The following POT1 variants were observed in gnomAD, a reference collection of about 807,000 sequenced individuals.
POT1 encodes the protein protection of telomeres protein 1.
In POT1, 47 loss-of-function variants were observed where a neutral mutation model predicts 78.5. The observed-to-expected ratio is 0.60, with a 90% CI of 0.47 to 0.76. The LOEUF is 0.76. Ranked by LOEUF, POT1 falls within the 30% of genes least tolerant of loss-of-function variation. The pLI, the probability that POT1 is intolerant of heterozygous loss-of-function variation, is 0.00. For synonymous variants in POT1, 259 were observed against 260.7 expected (o/e 0.99, Z 0.06); for missense variants, 646 against 749.9 (o/e 0.86, Z 1.62).
intron 6 of POT1, among the ~76,000 whole-genome samples, chr7:124,891,365 T>G (rs1305555445): frequency 6.6e-6 from 1 of 151,740 alleles, no homozygotes; most frequent in African/African-American, 2.4e-5. Flanking sequence ...AAGAAGTATC[T>G]TTCTCCATTC....
At chr7:124,912,362 A>C (rs1796907644) in intron 3 of POT1, among the ~76,000 whole-genome samples, 1 of 152,058 alleles carries the variant, frequency 6.6e-6, no homozygotes, top group African/African-American at 2.4e-5. Context: ...CACACTGCAG[A>C]ACCTTTGTAC....
chr7:124,925,718 T>A (rs912029428), intron 2 of POT1, among the ~76,000 whole-genome samples: 21 of 152,136 alleles, frequency 1.4e-4, no homozygotes, highest in Admixed American at 4.6e-4. Flanking sequence ...ATTACAAGGC[T>A]ACAGCAACCA....
intron 7 of POT1, among the ~76,000 whole-genome samples, chr7:124,865,573 T>C (rs1207035814): frequency 6.6e-6 from 1 of 151,956 alleles, no homozygotes; most frequent in Non-Finnish European, 1.5e-5. Flanking sequence ...TTCTTTTCAG[T>C]TCCTGAATTT....
At position 124,888,509 on chromosome 7, in the gene POT1, G is replaced by C. The variant is rs542219949; in HGVS notation, c.124+3757C>G. ...TATTTTTCTATAGAAAATGCTACTT[G>C]GATTTTGATAGGGAATACATTGAAT... is the stretch of plus-strand genomic sequence containing the variant. On this transcript the variant is annotated intron_variant, in intron 6 of 18. Transcript: ENST00000357628. Among the ~76,000 whole-genome samples the C allele has an allele frequency of 5.9e-5, 9 of 152,074 alleles. No homozygotes were observed. The South Asian group carries it at 1.9e-3, about 32-fold the overall frequency.
At chr7:124,867,715 C>T (rs1024501924) in intron 7 of POT1, among the ~76,000 whole-genome samples, 6 of 151,986 alleles carry the variant, frequency 3.9e-5, no homozygotes, top group Non-Finnish European at 7.4e-5. Flanking sequence ...GGTGCGATCT[C>T]GGCTCACTGC....
chr7:124,865,689 T>C (rs1430435045), intron 7 of POT1, among the ~76,000 whole-genome samples: 1 of 151,496 alleles, frequency 6.6e-6, no homozygotes, highest in East Asian at 1.9e-4. Context: ...TTTTTTAAGT[T>C]ATTTTATTTA....
At chr7:124,918,379 A>G (rs1478878769) in intron 2 of POT1, among the ~76,000 whole-genome samples, 2 of 152,188 alleles carry the variant, frequency 1.3e-5, no homozygotes, top group African/African-American at 2.4e-5. Flanking sequence ...GTTTGTTTTC[A>G]GGGGTAGCAT....
intron 2 of POT1, among the ~76,000 whole-genome samples, chr7:124,916,571 TAAAGA>T (rs1475466741): frequency 3.3e-5 from 5 of 152,152 alleles, no homozygotes; most frequent in South Asian, 2.1e-4. Context: ...TATGATAAGT[TAAAGA>T]AAAGTGAAAG....
chr7:124,828,806 G>T (rs941317308), intron 16 of POT1: 2 of 455,270 alleles, frequency 4.4e-6, no homozygotes, highest in African/African-American at 4.0e-5. Context: ...TGAGATGGCT[G>T]TATCAAAAAG....
chr7:124,860,763 C>T lies in POT1; in HGVS notation c.547-1651G>A, dbSNP rs539034205. Among the ~76,000 whole-genome samples, 78 of 152,210 alleles carry T rather than the reference C, an allele frequency of 5.1e-4. 1 individual carries two copies. In the South Asian group the frequency reaches 0.015, roughly 30 times the overall value. ...CTAACGCTATCTCTCCCCCAGCCCC[C>T]TACCCCACAACAGGCCCCATTGTGT... On this transcript the variant is annotated intron_variant, in intron 8 of 18. Transcript: ENST00000357628.
At chr7:124,892,179 T>C (rs1796387850) in intron 6 of POT1, 87 bp downstream of exon 6, 4 of 779,760 alleles carry the variant, frequency 5.1e-6, no homozygotes. Flanking sequence ...GAGCTTCTAT[T>C]CTAGGACTTA....
Position 124,823,923 on chromosome 7 carries a change from A to C in POT1, c.*39T>G. 1 of 1,304,400 alleles carries C rather than the reference A, an allele frequency of 7.7e-7. No homozygotes were observed. Among genetic ancestry groups the C allele is most frequent in the Non-Finnish European group, 1.1e-6 (1 of 906,314 alleles). The allele number at this position is 1,304,400 out of a possible 1,614,324, so 80.8% of individuals were successfully genotyped here. A position where few individuals can be genotyped will look rare whatever the true frequency, so the allele number is the denominator to read the frequency against. ...AAAAGAAGCTCAAACAGGGAAGGTG[A>C]GTGGCAACATTTTATGTATGCTAAA... On this transcript the variant is annotated 3_prime_UTR_variant, in exon 19 of 19. Transcript: ENST00000357628.
rs2116462199 is a variant in POT1 at position 124,841,171 on chromosome 7, C to T, written c.1171G>A (p.Val391Ile). The change falls in exon 14 of 19, where the codon GTT (valine) becomes ATT (isoleucine). Residue 391 changes from valine (V) to isoleucine (I), a missense_variant. By Grantham distance (29) the Val-to-Ile change is conservative (BLOSUM62 3). Around this residue, in one of 2 missense-constraint regions of POT1, gnomAD observed 394 missense variants for 408.4 expected, o/e 0.96. Coordinates refer to ENST00000357628, the MANE Select transcript of POT1 (RefSeq NM_015450.3). ...HCPKCHLLQE[V>I]PHEGDLDIIF... ...ATATCCAAATCGCCCTCATGTGGAA[C>T]TTCTTGCCTAAAATTATTGGCAATG... is the stretch of plus-strand genomic sequence containing the variant. The T allele has an allele frequency of 6.2e-7, 1 of 1,610,454 alleles. No homozygotes were observed. Among genetic ancestry groups the T allele is most frequent in the East Asian group, 2.2e-5 (1 of 44,730 alleles).
chr7:124,844,553 G>A (rs1053888885), intron 12 of POT1, among the ~76,000 whole-genome samples: 4 of 150,298 alleles, frequency 2.7e-5, no homozygotes, highest in Non-Finnish European at 5.9e-5. Context: ...TGGCTAACAC[G>A]GTGAAACCCC....
chr7:124,838,340 AT>A (rs1418364036), intron 14 of POT1, among the ~76,000 whole-genome samples: 1 of 152,158 alleles, frequency 6.6e-6, no homozygotes, highest in African/African-American at 2.4e-5. Context: ...TAAAAAAAAA[AT>A]CAATTGCTTC....
chr7:124,881,604 C>T (rs1796120438), intron 6 of POT1, among the ~76,000 whole-genome samples: 1 of 151,916 alleles, frequency 6.6e-6, no homozygotes, highest in Non-Finnish European at 1.5e-5. Flanking sequence ...AGTAACAATG[C>T]AAACTGCTAA....
At chr7:124,856,784 T>C (rs1396546603) in intron 9 of POT1, among the ~76,000 whole-genome samples, 1 of 152,234 alleles carries the variant, frequency 6.6e-6, no homozygotes, top group Non-Finnish European at 1.5e-5. Flanking sequence ...ATTTTATTTA[T>C]GAAAGAACTC....
chr7:124,881,379 T>C (rs1796115315), intron 6 of POT1, among the ~76,000 whole-genome samples: 2 of 152,008 alleles, frequency 1.3e-5, no homozygotes, highest in South Asian at 4.1e-4. Context: ...CACATGACTG[T>C]ACTTTATTTT....
chr7:124,863,737 G>C, intron 7 of POT1, 97 bp from the exon 8 acceptor site: 1 of 1,015,272 alleles, frequency 9.8e-7, no homozygotes, highest in Non-Finnish European at 1.5e-6. Flanking sequence ...TATCAATTTT[G>C]CCAGCATAAT....
Sources: gnomAD v4.1 joint callset for allele counts (sites outside exome capture counted in the v4.1 genomes callset) on GRCh38, gnomAD v4.1.1 for gene constraint, gnomAD v4.1.1 regional missense constraint, MANE v1.5 for transcripts, NCBI Gene and HGNC (gene_info 2026-07-23, HGNC 2026-07-21) for gene names.